The following CCDC88C variants were observed in gnomAD, a reference collection of about 807,000 sequenced individuals.
CCDC88C encodes the protein protein Daple.
Under a neutral mutation model 198.8 loss-of-function variants are expected in CCDC88C, and 131 were observed. That is an observed-to-expected ratio of 0.66 (90% confidence interval 0.57 to 0.76). CCDC88C has a LOEUF of 0.76. Ranked by LOEUF, CCDC88C falls within the 30% of genes least tolerant of loss-of-function variation. The probability of loss-of-function intolerance (pLI) is 0.00; values close to 1 mark genes in which losing one functional copy is unlikely to be tolerated. For synonymous variants in CCDC88C, 1,166 were observed against 1,114.7 expected, an observed-to-expected ratio of 1.05 and a Z score of -0.92; for missense variants, 2,553 against 2,631.6, an observed-to-expected ratio of 0.97 and a Z score of 0.65.
At position 91,303,908 on chromosome 14, in the gene CCDC88C, T is replaced by C. The variant is rs752150313; in HGVS notation, c.3428A>G (p.His1143Arg). 1.9e-6 allele frequency: 3 copies of C among 1,612,470 alleles called. No homozygotes were observed. Among genetic ancestry groups the C allele is most frequent in the African/African-American group, 2.7e-5 (2 of 74,946 alleles). Residue 1143 changes from histidine to arginine, a missense_variant, in exon 20 of 30, where the codon CAC becomes CGC. Around this residue, in one of 2 missense-constraint regions of CCDC88C, gnomAD observed 1,293 missense variants for 1,219.6 expected, o/e 1.06. Transcript: ENST00000389857. ...TAQYTLLQNH[H>R]TAKETENESL... is the part of the protein sequence containing the mutation. The stretch of plus-strand genomic sequence containing the variant: ...TTCGTTCTCCGTCTCCTTGGCCGTG[T>C]GGTGGTTCTGCAGCAGCGTGTACTG...
chr14:91,293,436 G>GCCTGCCACAGCTCACCTTCCCA (rs2139754528), intron 23 of CCDC88C, among the ~76,000 whole-genome samples: 1 of 1,128 alleles, frequency 8.9e-4, no homozygotes, highest in Non-Finnish European at 1.9e-3. Context: ...CCACCTTCCC[G>GCCTGCCACAGCTCACCTTCCCA]TCCTCACCTG....
rs374208975 is a variant in CCDC88C at position 91,296,063 on chromosome 14, C to A, written c.3966+1242G>T. The stretch of plus-strand genomic sequence containing the variant: ...CGTCCAGCCTCCCAACCGGAAGAAA[C>A]CCACCTCTGCGGCTTAAGCCACCCG... On this transcript the variant is annotated intron_variant, in intron 22 of 29. Transcript: ENST00000389857. 1.8e-4 allele frequency among the ~76,000 whole-genome samples: 27 copies of A among 152,302 alleles called. 1 individual carries two copies. The highest frequency in any genetic ancestry group is 1.4e-3 in the East Asian group (7 of 5,176).
At chr14:91,362,356 A>T (rs2139909415) in intron 3 of CCDC88C, among the ~76,000 whole-genome samples, 1 of 152,258 alleles carries the variant, frequency 6.6e-6, no homozygotes. Context: ...TTCTTCTGCC[A>T]TTTGTCCAAG....
At chr14:91,364,391 C>T (rs181824451) in intron 3 of CCDC88C, among the ~76,000 whole-genome samples, 8 of 152,306 alleles carry the variant, frequency 5.3e-5, no homozygotes, top group African/African-American at 9.6e-5. Flanking sequence ...AATGACTCCT[C>T]GGCCAATTAA....
In CCDC88C at chr14:91,274,546, T is replaced by C. The variant is rs142093962; in HGVS notation, c.5059-893A>G. 6.8e-3 allele frequency among the ~76,000 whole-genome samples: 1,029 copies of C among 152,244 alleles called. 8 individuals carry two copies. Among genetic ancestry groups the C allele is most frequent in the Middle Eastern group, 0.01 (3 of 294 alleles). On this transcript the variant is annotated intron_variant, in intron 29 of 29. Coordinates refer to ENST00000389857, the MANE Select transcript of CCDC88C (RefSeq NM_001080414.4). Reference sequence around the variant, plus strand: ...CGGCAGGTGTCAGCCTGAAGGCGGGTTGGTAGCTCAGGAGCCATCTGCACC... The same window carrying C: ...CGGCAGGTGTCAGCCTGAAGGCGGGCTGGTAGCTCAGGAGCCATCTGCACC...
intron 28 of CCDC88C, among the ~76,000 whole-genome samples, 175 bp from the exon 29 acceptor site, chr14:91,278,386 C>G (rs1366547928): frequency 6.6e-6 from 1 of 152,246 alleles, no homozygotes; most frequent in South Asian, 2.1e-4. Context: ...TTGAATTTCA[C>G]TTTGGCTTTA....
intron 3 of CCDC88C, among the ~76,000 whole-genome samples, chr14:91,366,623 C>T (rs1894555463): frequency 6.6e-6 from 1 of 152,214 alleles, no homozygotes; most frequent in African/African-American, 2.4e-5. Context: ...AGTAGATTGC[C>T]ATTTTAAATA....
At chr14:91,317,725 C>T (rs1396913301) in intron 13 of CCDC88C, among the ~76,000 whole-genome samples, 1 of 152,212 alleles carries the variant, frequency 6.6e-6, no homozygotes, top group African/African-American at 2.4e-5. Flanking sequence ...GGCGCCCCCA[C>T]GACCAGAGAG....
chr14:91,386,691 G>A (rs555385821), intron 3 of CCDC88C, among the ~76,000 whole-genome samples: 59 of 152,318 alleles, frequency 3.9e-4, no homozygotes, highest in Non-Finnish European at 6.0e-4. Flanking sequence ...CACCATGGCC[G>A]AGCCCAGTGT....
At chr14:91,348,545 G>A (rs2139880426) in intron 4 of CCDC88C, among the ~76,000 whole-genome samples, 1 of 152,116 alleles carries the variant, frequency 6.6e-6, no homozygotes, top group Non-Finnish European at 1.5e-5. Flanking sequence ...TGGTGACAGA[G>A]CAAACGGTTC....
At chr14:91,300,883 A>G (rs1178977175) in intron 20 of CCDC88C, among the ~76,000 whole-genome samples, 1 of 152,150 alleles carries the variant, frequency 6.6e-6, no homozygotes, top group Non-Finnish European at 1.5e-5. Context: ...AGTGTTGAGA[A>G]GTCTGAGGCA....
intron 3 of CCDC88C, among the ~76,000 whole-genome samples, chr14:91,383,689 C>T (rs1884951969): frequency 6.6e-6 from 1 of 152,174 alleles, no homozygotes; most frequent in Admixed American, 6.5e-5. Context: ...TGGGAACAGC[C>T]CCATTCCTGG....
intron 3 of CCDC88C, among the ~76,000 whole-genome samples, chr14:91,360,544 G>T (rs1894264924): frequency 6.6e-6 from 1 of 152,198 alleles, no homozygotes; most frequent in Non-Finnish European, 1.5e-5. Context: ...CAGGTCTTTG[G>T]TACAAGTTAT....
At position 91,325,711 on chromosome 14, in the gene CCDC88C, TG is replaced by T. The variant is rs1277921223; in HGVS notation, c.1197+198del. ...CCTGCCTCAGTCTCTCCCAAGTAGA[TG>T]GAACTACAGGCTCACACCACCATGC... On this transcript the variant is annotated intron_variant, in intron 11 of 29. Transcript: ENST00000389857. The surrounding 1 kb of genome is among the most constrained non-coding windows in gnomAD (Gnocchi z 4.1). Among the ~76,000 whole-genome samples, 5 of 152,260 alleles carry T rather than the reference TG, an allele frequency of 3.3e-5. No individual in the cohort carries two copies. Among genetic ancestry groups the T allele is most frequent in the Non-Finnish European group, 5.9e-5 (4 of 68,014 alleles).
chr14:91,341,803 AG>A (rs1893322292), intron 6 of CCDC88C, among the ~76,000 whole-genome samples: 2 of 152,336 alleles, frequency 1.3e-5, no homozygotes, highest in South Asian at 2.1e-4. Context: ...CTCAAAGGCC[AG>A]GGGCTCCTCC....
chr14:91,276,498 TG>T (rs1394433253), intron 29 of CCDC88C, among the ~76,000 whole-genome samples: 1 of 152,268 alleles, frequency 6.6e-6, no homozygotes, highest in Non-Finnish European at 1.5e-5. Flanking sequence ...GAAAACCTGC[TG>T]ATGAACTGGT....
rs1006930145 is a variant in CCDC88C, at chr14:91,335,971, G to A, written c.1050+2034C>T. ...TGCCCAATTCATCACCTGCGTTGGC[G>A]GCTCAGTGTCTGCAAACCCACGTTT... is the stretch of plus-strand genomic sequence containing the variant. On this transcript the variant is annotated intron_variant, in intron 10 of 29. Transcript: ENST00000389857. Among the ~76,000 whole-genome samples, 7 of 152,136 alleles carry A rather than the reference G, an allele frequency of 4.6e-5. No homozygotes were observed. In the East Asian group the frequency reaches 1.2e-3, roughly 25 times the overall value.
chr14:91,372,543 G>GGGGGGGGC (rs1894862301), intron 3 of CCDC88C, among the ~76,000 whole-genome samples: 3 of 82,126 alleles, frequency 3.7e-5, no homozygotes, highest in African/African-American at 1.2e-4. Flanking sequence ...GGGGGCGGGC[G>GGGGGGGGC]GGGGGGGGAG....
intron 2 of CCDC88C, among the ~76,000 whole-genome samples, chr14:91,411,784 G>A (rs932089317): frequency 1.3e-4 from 20 of 152,106 alleles, no homozygotes; most frequent in African/African-American, 4.6e-4. Flanking sequence ...CCAACATGGT[G>A]AAACCCTGTC....
Sources: allele counts gnomAD v4.1 joint callset (sites outside exome capture counted in the v4.1 genomes callset), GRCh38; gene constraint gnomAD v4.1.1; regional missense constraint gnomAD v4.1.1; non-coding constraint Gnocchi (gnomAD v3.1); transcripts MANE v1.5; gene names NCBI Gene and HGNC (gene_info 2026-07-23, HGNC 2026-07-21).